RPH3A: variants seen among roughly 807,000 people sequenced by gnomAD.
The protein encoded by RPH3A is rabphilin-3A.
Under a neutral mutation model 102.2 loss-of-function variants are expected in RPH3A, and 48 were observed. The observed-to-expected ratio is 0.47, with a 90% CI of 0.37 to 0.60. The LOEUF (loss-of-function observed/expected upper bound fraction) is 0.60. RPH3A is among the 20% of genes least tolerant of loss of function. RPH3A has a pLI of 0.00. For synonymous variants in RPH3A, 310 were observed against 324.3 expected, an observed-to-expected ratio of 0.96 and a Z score of 0.47; for missense variants, 781 against 910.1, an observed-to-expected ratio of 0.86 and a Z score of 1.83.
intron 1 of RPH3A, among the ~76,000 whole-genome samples, chr12:112,654,289 G>T (rs1288954105): frequency 6.6e-6 from 1 of 152,114 alleles, no homozygotes; most frequent in Non-Finnish European, 1.5e-5. Context: ...GGTCCTTATT[G>T]CTTTCAAACT....
At chr12:112,758,990 AG>A (rs2040837588) in intron 1 of RPH3A, among the ~76,000 whole-genome samples, 1 of 152,204 alleles carries the variant, frequency 6.6e-6, no homozygotes, top group Non-Finnish European at 1.5e-5. Context: ...GAGATCCTAG[AG>A]GGTTTTCCAA....
chr12:112,622,327 G>A (rs371167869), intron 1 of RPH3A, among the ~76,000 whole-genome samples: 1 of 61,446 alleles, frequency 1.6e-5, no homozygotes, highest in Non-Finnish European at 2.6e-5. Context: ...TTAGAAGAAT[G>A]TATAACTAGA....
chr12:112,845,476 A>T lies in RPH3A; in HGVS notation c.84-2220A>T, dbSNP rs985456149. On this transcript the variant is annotated intron_variant, in intron 4 of 21. Transcript: ENST00000389385. Reference sequence around the variant, plus strand: ...GATAACATGACCATTGCTAGGGCCCATCCTAGGGCCTCGGGAGGTACCTGT... The same window carrying T: ...GATAACATGACCATTGCTAGGGCCCTTCCTAGGGCCTCGGGAGGTACCTGT... Among the ~76,000 whole-genome samples, 5 of 152,204 alleles carry T rather than the reference A, an allele frequency of 3.3e-5. No homozygotes were observed. In the East Asian group the frequency reaches 9.6e-4, roughly 29 times the overall value.
rs140264255 is a variant in RPH3A, at chr12:112,749,061, C to T, written c.-139-43082C>T. On this transcript the variant is annotated intron_variant, in intron 1 of 21. Coordinates refer to the RPH3A transcript ENST00000543106. ...ATCCCTTCACCCATTTGTTGCCTAC[C>T]TGGAAGCTGAAAGGCATTTGCATAT... 4.7e-3 allele frequency among the ~76,000 whole-genome samples: 711 copies of T among 152,228 alleles called. 3 individuals are homozygous for T. The highest frequency in any genetic ancestry group is 0.015 in the African/African-American group (639 of 41,536).
intron 3 of RPH3A, chr12:112,831,961 G>T: frequency 2.9e-5 from 7 of 242,862 alleles, no homozygotes; most frequent in East Asian, 1.5e-4. Context: ...GTGGATTCAT[G>T]TTTTTCAGCA....
chr12:112,650,364 G>C (rs1179790915), intron 1 of RPH3A, among the ~76,000 whole-genome samples: 1 of 152,206 alleles, frequency 6.6e-6, no homozygotes, highest in Non-Finnish European at 1.5e-5. Context: ...TAACCTCTCT[G>C]CTGCACTGAG....
intron 1 of RPH3A, among the ~76,000 whole-genome samples, chr12:112,768,339 A>G (rs2040905479): frequency 6.6e-6 from 1 of 152,220 alleles, no homozygotes; most frequent in Admixed American, 6.5e-5. Flanking sequence ...GTAAAAGCCC[A>G]AGTCATTACA....
At chr12:112,726,117 G>T (rs1037514601) in intron 1 of RPH3A, among the ~76,000 whole-genome samples, 1 of 148,376 alleles carries the variant, frequency 6.7e-6, no homozygotes, top group African/African-American at 2.5e-5. Flanking sequence ...GGGGTGGGGG[G>T]TGTACTGGGG....
intron 1 of RPH3A, among the ~76,000 whole-genome samples, chr12:112,751,458 C>A (rs1592979717): frequency 6.6e-6 from 1 of 152,170 alleles, no homozygotes; most frequent in African/African-American, 2.4e-5. Context: ...AATAAAAATA[C>A]CAGCCTTATA....
At chr12:112,666,049 C>G (rs898412577) in intron 1 of RPH3A, among the ~76,000 whole-genome samples, 1 of 152,184 alleles carries the variant, frequency 6.6e-6, no homozygotes, top group Admixed American at 6.5e-5. Context: ...TCAAGACTAG[C>G]AGGCCAGCTC....
chr12:112,737,857 T>C (rs1334684728), intron 1 of RPH3A, among the ~76,000 whole-genome samples: 1 of 152,200 alleles, frequency 6.6e-6, no homozygotes, highest in Non-Finnish European at 1.5e-5. Context: ...CGTAAACTGT[T>C]GCTGGTCTGT....
intron 14 of RPH3A, among the ~76,000 whole-genome samples, chr12:112,880,128 T>G (rs1486414385): frequency 2.6e-5 from 4 of 152,204 alleles, no homozygotes; most frequent in African/African-American, 9.7e-5. Flanking sequence ...GACCAACACA[T>G]TCCTTTGCCC....
intron 1 of RPH3A, among the ~76,000 whole-genome samples, chr12:112,756,842 A>C (rs770391261): frequency 1.3e-5 from 2 of 152,118 alleles, no homozygotes; most frequent in African/African-American, 2.4e-5. Flanking sequence ...GCATAGGAAC[A>C]CTCCTACCAG....
Position 112,836,488 on chromosome 12 carries a change from C to T in RPH3A, c.72-3C>T. The stretch of plus-strand genomic sequence containing the variant: ...TTTCTCTCCTTTCTCTGCCTTCCTT[C>T]AGTGATAAAGAACAGTGAGTATTTT... On this transcript the variant is annotated splice_polypyrimidine_tract_variant and splice_region_variant and intron_variant, in intron 3 of 21. Transcript: ENST00000389385. 1 of 1,335,378 alleles carries T rather than the reference C, an allele frequency of 7.5e-7. No individual in the cohort carries two copies. Among genetic ancestry groups the T allele is most frequent in the South Asian group, 1.3e-5 (1 of 74,766 alleles). The allele number at this position is 1,335,378 out of a possible 1,614,324, so 82.7% of individuals were successfully genotyped here.
At chr12:112,610,667 T>C (rs931468362) in intron 1 of RPH3A, among the ~76,000 whole-genome samples, 5 of 152,190 alleles carry the variant, frequency 3.3e-5, no homozygotes, top group Admixed American at 6.5e-5. Flanking sequence ...AGTGTCACTC[T>C]GTTGCCCAGG....
intron 1 of RPH3A, among the ~76,000 whole-genome samples, chr12:112,740,967 A>G (rs2040704916): frequency 6.6e-6 from 1 of 152,168 alleles, no homozygotes; most frequent in Non-Finnish European, 1.5e-5. Context: ...TGGGAATCTC[A>G]GAGGGCTTTT....
chr12:112,654,273 T>C (rs1442537979), intron 1 of RPH3A, among the ~76,000 whole-genome samples: 1 of 152,194 alleles, frequency 6.6e-6, no homozygotes, highest in Non-Finnish European at 1.5e-5. Flanking sequence ...AGCCTTTCAG[T>C]GTTGGGGTCC....
At position 112,881,957 on chromosome 12, in the gene RPH3A, C is replaced by T. The variant is rs578017667; in HGVS notation, c.1326+111C>T. ...CCTTATCTGCCCCAAATCCCCAACCCCACCTCATCCTGTGAGTAGCAAAGC... is the reference window on the plus strand; with the variant it reads ...CCTTATCTGCCCCAAATCCCCAACCTCACCTCATCCTGTGAGTAGCAAAGC... On this transcript the variant is annotated intron_variant, in intron 15 of 21. Transcript: ENST00000389385. 1,017 of 714,170 alleles carry T rather than the reference C, an allele frequency of 1.4e-3. 12 individuals are homozygous for T. The highest frequency in any genetic ancestry group is 2.1e-4 in the Non-Finnish European group (89 of 423,954). 44.2% of individuals were successfully genotyped at this position (714,170 alleles called of 1,614,324 possible). A position where few individuals can be genotyped will look rare whatever the true frequency, so the allele number is the denominator to read the frequency against.
chr12:112,649,837 G>T (rs2039961338), intron 1 of RPH3A, among the ~76,000 whole-genome samples: 1 of 152,212 alleles, frequency 6.6e-6, no homozygotes, highest in Non-Finnish European at 1.5e-5. Flanking sequence ...TCCCTGGCTT[G>T]CAGACGGCTG....
Sources: allele counts gnomAD v4.1 joint callset (sites outside exome capture counted in the v4.1 genomes callset), GRCh38; gene constraint gnomAD v4.1.1; transcripts MANE v1.5; gene names NCBI Gene and HGNC (gene_info 2026-07-23, HGNC 2026-07-21).